The following TTC28 variants were observed in gnomAD, a reference collection of about 807,000 sequenced individuals.
TTC28 encodes the protein tetratricopeptide repeat domain 28, also known as tetratricopeptide repeat protein 28.
A neutral mutation model predicts 198.0 loss-of-function variants in TTC28; 61 were observed. That is an observed-to-expected ratio of 0.31 (90% CI 0.25 to 0.38). The LOEUF (loss-of-function observed/expected upper bound fraction) is 0.38, where lower values mean the gene tolerates loss of function less well. TTC28 is among the 10% of genes least tolerant of loss of function. The probability of loss-of-function intolerance (pLI) is 1.00; values close to 1 mark genes in which losing one functional copy is unlikely to be tolerated. For missense variants in TTC28, 2,678 were observed against 3,164.0 expected (o/e 0.85, Z 3.69); for synonymous variants, 1,171 against 1,297.8 (o/e 0.90, Z 2.10).
intron 5 of TTC28, among the ~76,000 whole-genome samples, chr22:28,219,982 A>T (rs1396476558): frequency 6.6e-6 from 1 of 152,190 alleles, no homozygotes; most frequent in East Asian, 1.9e-4. Context: ...ACACAAGGTT[A>T]CACTCAACAG....
intron 12 of TTC28, among the ~76,000 whole-genome samples, chr22:28,041,268 T>C (rs1939628892): frequency 6.6e-6 from 1 of 152,210 alleles, no homozygotes; most frequent in Admixed American, 6.5e-5. Context: ...AGAGCCTGCA[T>C]TGCCAAGACA....
At chr22:28,671,461 C>G (rs1048869259) in intron 1 of TTC28, among the ~76,000 whole-genome samples, 1 of 151,582 alleles carries the variant, frequency 6.6e-6, no homozygotes, top group Non-Finnish European at 1.5e-5. Flanking sequence ...CAGTGAAACC[C>G]CATCTCTACT....
chr22:27,983,922 TACG>T (rs908437670), intron 22 of TTC28, 71 bp from the exon 23 acceptor site: 5 of 1,451,178 alleles, frequency 3.4e-6, no homozygotes, highest in African/African-American at 2.9e-5. Flanking sequence ...TTTCAAAATT[TACG>T]ACATCTTTAT....
chr22:28,328,080 A>C (rs2045559345), intron 2 of TTC28, among the ~76,000 whole-genome samples: 1 of 152,186 alleles, frequency 6.6e-6, no homozygotes, highest in African/African-American at 2.4e-5. Flanking sequence ...GTAAAAGTGC[A>C]ATAAAGAAAT....
chr22:28,486,821 G>C (rs1337390637), intron 2 of TTC28, among the ~76,000 whole-genome samples: 1 of 152,066 alleles, frequency 6.6e-6, no homozygotes, highest in African/African-American at 2.4e-5. Flanking sequence ...AACAGCACCA[G>C]GGTCATTGTG....
intron 8 of TTC28, among the ~76,000 whole-genome samples, chr22:28,104,613 GAGGAAGGAAGCATCCA>G (rs1448666589): frequency 1.3e-5 from 2 of 152,124 alleles, no homozygotes; most frequent in African/African-American, 4.8e-5. Flanking sequence ...TCTGCTTTCG[GAGGAAGGAAGCATCCA>G]AGGTCCAACT....
At chr22:28,058,659 C>G (rs909976500) in intron 12 of TTC28, among the ~76,000 whole-genome samples, 4 of 151,968 alleles carry the variant, frequency 2.6e-5, no homozygotes, top group African/African-American at 9.7e-5. Context: ...GGTTCCTCCT[C>G]TTCTATTTTC....
chr22:28,237,282 C>A (rs1186768612), intron 5 of TTC28, among the ~76,000 whole-genome samples: 2 of 152,140 alleles, frequency 1.3e-5, no homozygotes, highest in Non-Finnish European at 2.9e-5. Flanking sequence ...GTGTCCACTG[C>A]ATGTTGTGAT....
At chr22:28,221,681 T>G (rs1238536021) in intron 5 of TTC28, among the ~76,000 whole-genome samples, 1 of 152,198 alleles carries the variant, frequency 6.6e-6, no homozygotes, top group Non-Finnish European at 1.5e-5. Flanking sequence ...TGCATGCTTC[T>G]GAGACAACCT....
rs140578559 is a variant in TTC28, at chr22:28,512,925, AG to A, written c.381+116626del. Among the ~76,000 whole-genome samples the A allele has an allele frequency of 6.6e-5, 10 of 151,976 alleles. No individual in the cohort carries two copies. In the East Asian group the frequency reaches 1.9e-3, roughly 29 times the overall value. On this transcript the variant is annotated intron_variant, in intron 2 of 22. Transcript: ENST00000397906. The stretch of plus-strand genomic sequence containing the variant: ...CGTGTACCCCTGAACTTCAAATAAA[AG>A]TTGAAGGAAGAAGAAAAAAAGAGAA...
At chr22:28,001,311 A>G in intron 15 of TTC28, 63 bp downstream of exon 15, 1 of 1,509,904 alleles carries the variant, frequency 6.6e-7, no homozygotes, top group South Asian at 1.2e-5. Flanking sequence ...GTCCGACCAG[A>G]TAGACGGTGC....
intron 2 of TTC28, among the ~76,000 whole-genome samples, chr22:28,418,092 G>T (rs1292231883): frequency 2.6e-5 from 4 of 152,162 alleles, no homozygotes; most frequent in Non-Finnish European, 5.9e-5. Context: ...AATTAAGAGG[G>T]AAAACCTTGA....
At chr22:28,439,812 G>A (rs1335026294) in intron 2 of TTC28, among the ~76,000 whole-genome samples, 1 of 151,932 alleles carries the variant, frequency 6.6e-6, no homozygotes, top group Non-Finnish European at 1.5e-5. Flanking sequence ...ACTTTTCTGT[G>A]GTATGATTGA....
intron 2 of TTC28, among the ~76,000 whole-genome samples, chr22:28,310,219 G>GA (rs2045232409): frequency 2.0e-5 from 3 of 151,174 alleles, no homozygotes; most frequent in Middle Eastern, 3.4e-3. Flanking sequence ...AGTCAAGAGG[G>GA]AAAAAATATA....
intron 6 of TTC28, among the ~76,000 whole-genome samples, chr22:28,139,998 T>C (rs948584263): frequency 6.6e-6 from 1 of 152,196 alleles, no homozygotes; most frequent in Non-Finnish European, 1.5e-5. Flanking sequence ...GAGGGTTGTC[T>C]TTCCCAGCAA....
At chr22:28,164,522 C>T (rs1478603628) in intron 5 of TTC28, among the ~76,000 whole-genome samples, 1 of 152,158 alleles carries the variant, frequency 6.6e-6, no homozygotes, top group Non-Finnish European at 1.5e-5. Context: ...CTGCTGATAC[C>T]CAGGCAAACA....
At chr22:28,010,992 G>A (rs966793261) in intron 14 of TTC28, among the ~76,000 whole-genome samples, 9 of 152,162 alleles carry the variant, frequency 5.9e-5, no homozygotes, top group South Asian at 4.1e-4. Context: ...ACTGTAGAGT[G>A]GGCAGCAAGC....
chr22:28,329,438 T>C (rs1474133411), intron 2 of TTC28, among the ~76,000 whole-genome samples: 1 of 152,168 alleles, frequency 6.6e-6, no homozygotes, highest in African/African-American at 2.4e-5. Flanking sequence ...TACATCTCTA[T>C]AACCACTTGA....
In TTC28 at chr22:28,297,668, A is replaced by G; in HGVS notation, c.714T>C (p.Ser238=). The change falls in exon 4 of 23, where the codon TCT becomes TCC. Residue 238 remains serine (S), a synonymous_variant. Coordinates refer to ENST00000397906, the MANE Select transcript of TTC28 (RefSeq NM_001145418.2). ...GAGACCAGTAAGCACTGCTCAGGGCAGAGAAAACAGAACCTCTCAGTTTGA... is the reference window on the plus strand; with the variant it reads ...GAGACCAGTAAGCACTGCTCAGGGCGGAGAAAACAGAACCTCTCAGTTTGA... The part of the protein sequence containing the change: ...CSLKLRGSVF[S]ALSSAYWSLG... The G allele has an allele frequency of 6.4e-7, 1 of 1,551,702 alleles. No homozygotes were observed. Among genetic ancestry groups the G allele is most frequent in the Non-Finnish European group, 8.7e-7 (1 of 1,146,986 alleles).
Sources: allele counts gnomAD v4.1 joint callset (sites outside exome capture counted in the v4.1 genomes callset), GRCh38; gene constraint gnomAD v4.1.1; transcripts MANE v1.5; gene names NCBI Gene and HGNC (gene_info 2026-07-23, HGNC 2026-07-21).